Variants in SLC38A4 observed in about 807,000 individuals in gnomAD.
SLC38A4 encodes the protein sodium-coupled neutral amino acid transporter 4.
Under a neutral mutation model 63.1 loss-of-function variants are expected in SLC38A4, and 20 were observed. That is an observed-to-expected ratio of 0.32 (90% CI 0.22 to 0.46). SLC38A4 has a LOEUF of 0.46. Among genes scored for constraint, SLC38A4 ranks in the 20% least tolerant of loss-of-function variants. The pLI, the probability that SLC38A4 is intolerant of heterozygous loss-of-function variation, is 1.00. For synonymous variants in SLC38A4, 230 were observed against 225.5 expected (o/e 1.02, Z -0.18); for missense variants, 526 against 663.6 (o/e 0.79, Z 2.28).
intron 1 of SLC38A4, among the ~76,000 whole-genome samples, chr12:46,813,236 A>G (rs1165249438): frequency 6.6e-6 from 1 of 152,030 alleles, no homozygotes; most frequent in Non-Finnish European, 1.5e-5. Flanking sequence ...ATTATATGTT[A>G]TATAAACAAA....
rs141943071 is a variant in SLC38A4 at position 46,817,872 on chromosome 12, A to T, written c.-305+8031T>A. Reference sequence around the variant, plus strand: ...AAAATTAATTCCTATTAGTAAAATTACTTAGATATACTAATAAAGTAATAG... The same window carrying T: ...AAAATTAATTCCTATTAGTAAAATTTCTTAGATATACTAATAAAGTAATAG... On this transcript the variant is annotated intron_variant, in intron 1 of 16. Transcript: ENST00000266579. 8.1e-4 allele frequency among the ~76,000 whole-genome samples: 123 copies of T among 152,062 alleles called. 3 individuals carry two copies. The highest frequency in any genetic ancestry group is 2.5e-3 in the African/African-American group (103 of 41,522).
At chr12:46,782,342 A>G (rs1473259361) in intron 7 of SLC38A4, among the ~76,000 whole-genome samples, 2 of 152,028 alleles carry the variant, frequency 1.3e-5, no homozygotes, top group Non-Finnish European at 2.9e-5. Flanking sequence ...GATACTGTAA[A>G]CAAATTATGG....
intron 1 of SLC38A4, among the ~76,000 whole-genome samples, chr12:46,806,923 T>C (rs1359379608): frequency 6.6e-6 from 1 of 151,946 alleles, no homozygotes; most frequent in East Asian, 1.9e-4. Flanking sequence ...GATTATATGG[T>C]TTAAAATTTC....
chr12:46,793,749 G>A (rs2897981), intron 2 of SLC38A4, among the ~76,000 whole-genome samples: 7,985 of 152,202 alleles, frequency 0.052, 527 homozygotes, highest in East Asian at 0.26. Context: ...TGAAGCCAAA[G>A]TTAAGAATAG....
At chr12:46,821,870 A>G (rs190935065) in intron 1 of SLC38A4, among the ~76,000 whole-genome samples, 12 of 152,050 alleles carry the variant, frequency 7.9e-5, no homozygotes, top group Admixed American at 7.9e-4. Flanking sequence ...TCTTTCATTT[A>G]CCTTTTATAG....
upstream of SLC38A4, among the ~76,000 whole-genome samples, chr12:46,828,131 C>G (rs1002914871): frequency 6.6e-6 from 1 of 152,080 alleles, no homozygotes; most frequent in African/African-American, 2.4e-5. Flanking sequence ...TCAGTCTGGT[C>G]TCTCCACTGA....
At chr12:46,807,312 T>C in intron 1 of SLC38A4, among the ~76,000 whole-genome samples, 1 of 152,148 alleles carries the variant, frequency 6.6e-6, no homozygotes, top group East Asian at 1.9e-4. Context: ...AACTTTTCTA[T>C]ACAACATTGT....
chr12:46,783,059 T>TGTGTGTGTGTGTGTGTG (rs10691484), intron 7 of SLC38A4, among the ~76,000 whole-genome samples: 4 of 136,282 alleles, frequency 2.9e-5, no homozygotes, highest in African/African-American at 8.4e-5. Context: ...TGTGTGTGTG[T>TGTGTGTGTGTGTGTGTG]TAGGGTTGGA....
At chr12:46,809,730 A>G (rs1397726811) in intron 1 of SLC38A4, among the ~76,000 whole-genome samples, 3 of 152,062 alleles carry the variant, frequency 2.0e-5, no homozygotes, top group Non-Finnish European at 4.4e-5. Flanking sequence ...ATAGAATGCA[A>G]TTTCTATTCA....
intron 1 of SLC38A4, among the ~76,000 whole-genome samples, chr12:46,811,897 T>C (rs1939346267): frequency 6.6e-6 from 1 of 151,978 alleles, no homozygotes; most frequent in Admixed American, 6.6e-5. Flanking sequence ...TAATTGCAAG[T>C]CTTACAGGAG....
At chr12:46,782,978 T>G (rs1938673952) in intron 7 of SLC38A4, among the ~76,000 whole-genome samples, 2 of 140,834 alleles carry the variant, frequency 1.4e-5, no homozygotes, top group South Asian at 4.9e-4. Flanking sequence ...TATTTACCAG[T>G]CTAGAGGAGC....
chr12:46,823,899 A>G (rs1253588230), intron 1 of SLC38A4, among the ~76,000 whole-genome samples: 3 of 152,204 alleles, frequency 2.0e-5, no homozygotes, highest in African/African-American at 7.2e-5. Flanking sequence ...GAGCATGCAG[A>G]TAAAGAATAA....
upstream of SLC38A4, among the ~76,000 whole-genome samples, chr12:46,827,721 T>A (rs1184024336): frequency 2.0e-5 from 3 of 152,108 alleles, no homozygotes; most frequent in Non-Finnish European, 4.4e-5. Flanking sequence ...TTTGTGTAAA[T>A]TTTATCTATG....
intron 1 of SLC38A4, chr12:46,824,455 A>T (rs1273571759): frequency 6.6e-6 from 1 of 152,176 alleles, no homozygotes; most frequent in Non-Finnish European, 1.5e-5. Context: ...TCACCTCTTC[A>T]AGTGCCCTCA....
intron 5 of SLC38A4, among the ~76,000 whole-genome samples, chr12:46,785,738 C>CTTTTTTTTTTTTTTTTTT (rs11335369): frequency 3.0e-5 from 2 of 66,898 alleles, no homozygotes; most frequent in African/African-American, 5.3e-5. Flanking sequence ...ACGAAAATTC[C>CTTTTTTTTTTTTTTTTTT]TTTTTTTTTT....
At chr12:46,778,809 C>T in intron 10 of SLC38A4, 33 bp from the exon 11 acceptor site, 1 of 1,578,408 alleles carries the variant, frequency 6.3e-7, no homozygotes, top group African/African-American at 1.4e-5. Flanking sequence ...AAAAAAAAAT[C>T]AGCTTTTTGA....
intron 14 of SLC38A4, among the ~76,000 whole-genome samples, chr12:46,770,731 C>A (rs1223517782): frequency 2.0e-5 from 3 of 152,058 alleles, no homozygotes; most frequent in Non-Finnish European, 4.4e-5. Flanking sequence ...TTAGAGGACA[C>A]TTTTTGGACT....
chr12:46,803,184 A>T (rs1329792134), intron 2 of SLC38A4, among the ~76,000 whole-genome samples: 3 of 152,050 alleles, frequency 2.0e-5, no homozygotes, highest in African/African-American at 7.2e-5. Context: ...ATTTGTTTTC[A>T]AGATAAACAA....
At chr12:46,782,636 T>G (rs1174156847) in intron 7 of SLC38A4, among the ~76,000 whole-genome samples, 1 of 151,846 alleles carries the variant, frequency 6.6e-6, no homozygotes, top group Non-Finnish European at 1.5e-5. Flanking sequence ...TTTAAATGCC[T>G]ATTTAAAAAA....
Sources: gnomAD v4.1 joint callset for allele counts (sites outside exome capture counted in the v4.1 genomes callset) on GRCh38, gnomAD v4.1.1 for gene constraint, MANE v1.5 for transcripts, NCBI Gene and HGNC (gene_info 2026-07-23, HGNC 2026-07-21) for gene names.